FER: variants seen among roughly 807,000 people sequenced by gnomAD.
The protein encoded by FER is FER tyrosine kinase, also known as tyrosine-protein kinase Fer.
FER carries 63 observed loss-of-function variants against 111.0 expected under a neutral mutation model. The ratio of observed to expected loss-of-function variants is 0.57; its 90% CI spans 0.46 to 0.70. The LOEUF (loss-of-function observed/expected upper bound fraction) is 0.70, where lower values mean the gene tolerates loss of function less well. Ranked by LOEUF, FER falls within the 30% of genes least tolerant of loss-of-function variation. The probability of loss-of-function intolerance (pLI) is 0.00; values close to 1 mark genes in which losing one functional copy is unlikely to be tolerated. For missense variants in FER, 914 were observed against 954.0 expected, an observed-to-expected ratio of 0.96 and a Z score of 0.55; for synonymous variants, 327 against 313.9, an observed-to-expected ratio of 1.04 and a Z score of -0.44.
intron 17 of FER, among the ~76,000 whole-genome samples, chr5:109,157,004 A>G (rs1755469227): frequency 6.6e-6 from 1 of 152,102 alleles, no homozygotes; most frequent in Non-Finnish European, 1.5e-5. Context: ...ACACTTGGTA[A>G]GTAAATTATG....
At chr5:108,984,251 T>C (rs1041544617) in intron 13 of FER, among the ~76,000 whole-genome samples, 1 of 152,078 alleles carries the variant, frequency 6.6e-6, no homozygotes. Context: ...AAAGTTACTG[T>C]AGGCAAAGAT....
chr5:108,926,908 GA>G (rs1482418060), intron 10 of FER, among the ~76,000 whole-genome samples: 2 of 151,960 alleles, frequency 1.3e-5, no homozygotes, highest in Non-Finnish European at 2.9e-5. Flanking sequence ...ACTGATTCAC[GA>G]GAGTATATTT....
chr5:108,872,624 A>T (rs1259720351), intron 8 of FER, among the ~76,000 whole-genome samples: 1 of 152,084 alleles, frequency 6.6e-6, no homozygotes, highest in Non-Finnish European at 1.5e-5. Context: ...TAATTGAATT[A>T]TTTTCTCTTG....
intron 3 of FER, among the ~76,000 whole-genome samples, chr5:108,802,947 A>G (rs1466781481): frequency 6.6e-6 from 1 of 152,186 alleles, no homozygotes; most frequent in African/African-American, 2.4e-5. Flanking sequence ...GAACTAATTT[A>G]CATTTCCACC....
rs140922460 is a variant in FER at position 108,828,635 on chromosome 5, G to A, written c.208-4135G>A. Among the ~76,000 whole-genome samples, 201 of 152,004 alleles carry A rather than the reference G, an allele frequency of 1.3e-3. 1 individual carries two copies. Among genetic ancestry groups the A allele is most frequent in the African/African-American group, 4.8e-3 (197 of 41,436 alleles). On this transcript the variant is annotated intron_variant, in intron 3 of 19. Coordinates refer to ENST00000281092, the MANE Select transcript of FER (RefSeq NM_005246.4). The stretch of plus-strand genomic sequence containing the variant: ...TAAACTTTTCTAAAATTAAAATTCA[G>A]GTATTTTTACTTTTTAATATTTTTT...
intron 9 of FER, among the ~76,000 whole-genome samples, chr5:108,886,563 AACTT>A (rs1203819080): frequency 6.6e-6 from 1 of 151,536 alleles, no homozygotes; most frequent in Non-Finnish European, 1.5e-5. Flanking sequence ...GACTTTACAT[AACTT>A]ACTTACAATC....
intron 13 of FER, among the ~76,000 whole-genome samples, chr5:109,033,242 G>T (rs1769895136): frequency 6.6e-6 from 1 of 152,036 alleles, no homozygotes; most frequent in South Asian, 2.1e-4. Flanking sequence ...CTATATTTGA[G>T]AAGGTTGCAA....
At chr5:109,186,102 TTA>T in intron 18 of FER, 96 bp from the exon 19 acceptor site, 1 of 1,525,164 alleles carries the variant, frequency 6.6e-7, no homozygotes, top group Non-Finnish European at 9.1e-7. Flanking sequence ...CCAAACATCA[TTA>T]TGTGGTGCAT....
chr5:108,890,763 A>G (rs908089079), intron 9 of FER, among the ~76,000 whole-genome samples: 2 of 152,114 alleles, frequency 1.3e-5, no homozygotes, highest in Non-Finnish European at 2.9e-5. Flanking sequence ...CCCTAACAGT[A>G]TGGATATACC....
chr5:108,946,777 A>T (rs568987411), intron 11 of FER, among the ~76,000 whole-genome samples: 3 of 145,310 alleles, frequency 2.1e-5, no homozygotes, highest in Non-Finnish European at 4.5e-5. Flanking sequence ...ATGAACAAAC[A>T]CACAGAAGAG....
chr5:108,852,997 A>C (rs1041328494), intron 5 of FER, among the ~76,000 whole-genome samples: 4 of 152,152 alleles, frequency 2.6e-5, no homozygotes, highest in African/African-American at 7.2e-5. Context: ...AACAAAGCTA[A>C]GTTCTACACA....
chr5:109,028,869 C>A (rs1025397370), intron 13 of FER, among the ~76,000 whole-genome samples: 3 of 152,074 alleles, frequency 2.0e-5, no homozygotes, highest in Non-Finnish European at 4.4e-5. Context: ...TTTTGGAGTC[C>A]AAAGTTCTTA....
Position 109,194,818 on chromosome 5 carries a change from A to G in FER, c.*7243A>G, listed in dbSNP as rs1759622503. 1 of 145,208 alleles carries G rather than the reference A, an allele frequency of 6.9e-6. No homozygotes were observed. The highest frequency in any genetic ancestry group is 2.4e-4 in the South Asian group (1 of 4,182). 9.0% of individuals were successfully genotyped at this position (145,208 alleles called of 1,614,324 possible). ...CAGAATCCAAAGTCATTTTTCATAT[A>G]GCTGTTGTCAAATAGTATAACCTTG... On this transcript the variant is annotated 3_prime_UTR_variant, in exon 20 of 20. Transcript: ENST00000281092.
chr5:108,798,552 A>G (rs1756298774), intron 3 of FER, among the ~76,000 whole-genome samples, 163 bp downstream of exon 3: 1 of 152,222 alleles, frequency 6.6e-6, no homozygotes, highest in South Asian at 2.1e-4. Flanking sequence ...TTTAAAAATT[A>G]TAAATTTTGG....
intron 10 of FER, among the ~76,000 whole-genome samples, chr5:108,936,032 A>G (rs1015937817): frequency 1.3e-5 from 2 of 152,090 alleles, no homozygotes; most frequent in Non-Finnish European, 2.9e-5. Flanking sequence ...TCAACATAGC[A>G]TAATGATTAA....
chr5:109,094,216 C>T (rs1747190503), intron 16 of FER, among the ~76,000 whole-genome samples: 1 of 150,414 alleles, frequency 6.6e-6, no homozygotes. Context: ...TACTATTGAA[C>T]TCTGGTGCTA....
intron 17 of FER, among the ~76,000 whole-genome samples, chr5:109,140,876 C>T (rs1285147962): frequency 6.6e-6 from 1 of 152,018 alleles, no homozygotes; most frequent in Non-Finnish European, 1.5e-5. Context: ...AAGAACAGTC[C>T]CCTCATAAGT....
chr5:108,952,139 T>C (rs1235924259), intron 11 of FER, among the ~76,000 whole-genome samples: 2 of 152,074 alleles, frequency 1.3e-5, no homozygotes, highest in Non-Finnish European at 2.9e-5. Context: ...ACTGAAACTT[T>C]TAAAAAGGAG....
chr5:109,100,196 G>A (rs1748059420), intron 16 of FER, among the ~76,000 whole-genome samples, 200 bp from the exon 17 acceptor site: 1 of 151,720 alleles, frequency 6.6e-6, no homozygotes, highest in Admixed American at 6.6e-5. Context: ...GTATCTAGAA[G>A]AGATTATGGT....
Sources: gnomAD v4.1 joint callset for allele counts (sites outside exome capture counted in the v4.1 genomes callset) on GRCh38, gnomAD v4.1.1 for gene constraint, MANE v1.5 for transcripts, NCBI Gene and HGNC (gene_info 2026-07-23, HGNC 2026-07-21) for gene names.